Variants in SPRED1 observed in about 807,000 individuals in gnomAD.
SPRED1 encodes the protein sprouty-related, EVH1 domain-containing protein 1.
A neutral mutation model predicts 52.3 loss-of-function variants in SPRED1; 18 were observed. The ratio of observed to expected loss-of-function variants is 0.34; its 90% CI spans 0.24 to 0.51. The LOEUF (loss-of-function observed/expected upper bound fraction) is 0.51. Among genes scored for constraint, SPRED1 ranks in the 20% least tolerant of loss-of-function variants. SPRED1 has a pLI of 0.97. For synonymous variants in SPRED1, 155 were observed against 179.7 expected, an observed-to-expected ratio of 0.86 and a Z score of 1.10; for missense variants, 485 against 551.0, an observed-to-expected ratio of 0.88 and a Z score of 1.20.
intron 2 of SPRED1, among the ~76,000 whole-genome samples, chr15:38,307,120 C>T (rs1289955465): frequency 6.6e-6 from 1 of 152,190 alleles, no homozygotes; most frequent in African/African-American, 2.4e-5. Context: ...ATCGACCATA[C>T]TTATTAGCTT....
At chr15:38,283,753 A>G (rs1371917581) in intron 1 of SPRED1, among the ~76,000 whole-genome samples, 15 of 152,128 alleles carry the variant, frequency 9.9e-5, no homozygotes, top group African/African-American at 2.9e-4. Context: ...TACCCTCTTG[A>G]AGCTTTAGTT....
intron 2 of SPRED1, among the ~76,000 whole-genome samples, chr15:38,316,816 GAAAAGTTCA>G (rs893983588): frequency 4.2e-5 from 5 of 119,928 alleles, no homozygotes; most frequent in African/African-American, 1.6e-4. Context: ...TGTAGATGAT[GAAAAGTTCA>G]AAAAGTTCTA....
At chr15:38,331,368 C>G (rs998403830) in intron 4 of SPRED1, among the ~76,000 whole-genome samples, 2 of 151,870 alleles carry the variant, frequency 1.3e-5, no homozygotes, top group Non-Finnish European at 2.9e-5. Flanking sequence ...AGATTTTTGG[C>G]ATTTCTCACC....
rs889423928 is a variant in SPRED1 at position 38,356,117 on chromosome 15, A to C, written c.*4453A>C. On this transcript the variant is annotated 3_prime_UTR_variant, in exon 7 of 7. Transcript: ENST00000299084. ...AAGTCTTTGTATTAAAAATACACATAGATTTTTGTGAACATTTCCAGTGTG... is the reference window on the plus strand; with the variant it reads ...AAGTCTTTGTATTAAAAATACACATCGATTTTTGTGAACATTTCCAGTGTG... 2.0e-5 allele frequency: 3 copies of C among 152,144 alleles called. No individual in the cohort carries two copies. Among genetic ancestry groups the C allele is most frequent in the Admixed American group, 1.3e-4 (2 of 15,274 alleles). 9.4% of individuals were successfully genotyped at this position (152,144 alleles called of 1,614,324 possible).
intron 1 of SPRED1, among the ~76,000 whole-genome samples, chr15:38,297,017 G>A (rs1895054783): frequency 6.6e-6 from 1 of 152,086 alleles, no homozygotes; most frequent in Non-Finnish European, 1.5e-5. Context: ...AGCATTCAAG[G>A]TGCACCACCT....
intron 2 of SPRED1, among the ~76,000 whole-genome samples, chr15:38,312,136 A>G (rs551340200): frequency 6.6e-6 from 1 of 152,102 alleles, no homozygotes; most frequent in Non-Finnish European, 1.5e-5. Flanking sequence ...AATATCTCCA[A>G]CTGTCATGTT....
rs760132893 is a variant in SPRED1, at chr15:38,322,404, C to T, written c.371C>T (p.Ser124Phe). Residue 124 changes from serine to phenylalanine, a missense_variant, in exon 3 of 7, where the codon TCT (serine) becomes TTT (phenylalanine). This residue lies in a region of SPRED1 where 232 missense variants were observed against 231.8 expected (regional missense o/e 1.00). Transcript: ENST00000299084. ...ATCCGAAGAGCTATAGAGGATATTT[C>T]TCAAGGTAGGTATTCTTGACTATTT... ...RGIRRAIEDI[S>F]QGCPESKNEA... is the part of the protein sequence containing the mutation. 21 of 1,613,556 alleles carry T rather than the reference C, an allele frequency of 1.3e-5. No individual in the cohort carries two copies. The highest frequency in any genetic ancestry group is 1.2e-4 in the South Asian group (11 of 91,058).
At chr15:38,287,868 G>T (rs5014559) in intron 1 of SPRED1, among the ~76,000 whole-genome samples, 124,997 of 151,548 alleles carry the variant, frequency 0.82, 52,294 homozygotes, top group Non-Finnish European at 0.9. Context: ...AGGAACAACT[G>T]TAGCCTACTA....
rs2141018608 is a variant in SPRED1, at chr15:38,354,416, A to T, written c.*2752A>T. Reference sequence around the variant, plus strand: ...ATGACAAGCAAGACTGGTCTGATGAACTTGTTCAGAATTGATAATTCTTAA... The same window carrying T: ...ATGACAAGCAAGACTGGTCTGATGATCTTGTTCAGAATTGATAATTCTTAA... On this transcript the variant is annotated 3_prime_UTR_variant, in exon 7 of 7. Transcript: ENST00000299084. 6.6e-6 allele frequency: 1 copy of T among 152,338 alleles called. No homozygotes were observed. The highest frequency in any genetic ancestry group is 1.9e-4 in the East Asian group (1 of 5,192). 9.4% of individuals were successfully genotyped at this position (152,338 alleles called of 1,614,324 possible).
chr15:38,339,627 G>A (rs563635712), intron 4 of SPRED1, 110 bp from the exon 5 acceptor site: 12 of 1,087,830 alleles, frequency 1.1e-5, no homozygotes, highest in East Asian at 4.7e-5. Flanking sequence ...CGATGGTAGC[G>A]ATATATACTT....
chr15:38,274,203 G>A (rs1207772149), intron 1 of SPRED1, among the ~76,000 whole-genome samples: 2 of 152,170 alleles, frequency 1.3e-5, no homozygotes, highest in African/African-American at 4.8e-5. Context: ...CTTTAGAGTA[G>A]AAGTTTAAGC....
intron 2 of SPRED1, among the ~76,000 whole-genome samples, chr15:38,307,296 C>T (rs1277562281): frequency 2.6e-5 from 4 of 152,130 alleles, no homozygotes. Flanking sequence ...GCTGCCGTAA[C>T]AAAATAACGT....
chr15:38,322,584 G>A (rs781061623), intron 3 of SPRED1, among the ~76,000 whole-genome samples, 175 bp downstream of exon 3: 1 of 152,080 alleles, frequency 6.6e-6, no homozygotes. Context: ...ATTCCTTAAC[G>A]TGATTTGTAT....
At position 38,352,246 on chromosome 15, in the gene SPRED1, A is replaced by G. The variant is rs1200594670; in HGVS notation, c.*582A>G. On this transcript the variant is annotated 3_prime_UTR_variant, in exon 7 of 7. Transcript: ENST00000299084. ...CCCTTCCTAGTTCTGAAGTAGATAT[A>G]TATATATATATATCTACTGTCACAT... 1 of 152,582 alleles carries G rather than the reference A, an allele frequency of 6.6e-6. No individual in the cohort carries two copies. Among genetic ancestry groups the G allele is most frequent in the Non-Finnish European group, 1.5e-5 (1 of 68,306 alleles). 9.5% of individuals were successfully genotyped at this position (152,582 alleles called of 1,614,324 possible). A position where few individuals can be genotyped will look rare whatever the true frequency, so the allele number is the denominator to read the frequency against.
chr15:38,330,059 G>GATTT (rs1315317658), intron 4 of SPRED1, among the ~76,000 whole-genome samples: 1 of 152,180 alleles, frequency 6.6e-6, no homozygotes, highest in Non-Finnish European at 1.5e-5. Context: ...AAGGGTTGAA[G>GATTT]ATTTATGTGT....
intron 6 of SPRED1, among the ~76,000 whole-genome samples, chr15:38,350,663 C>T (rs1437505911): frequency 1.3e-5 from 2 of 152,148 alleles, no homozygotes; most frequent in African/African-American, 4.8e-5. Flanking sequence ...GTGGCTCATG[C>T]AATAGTAGAG....
rs1296705457 is a variant in SPRED1 at position 38,353,391 on chromosome 15, G to T, written c.*1727G>T. ...TATGACAGCTTGAACTGACAACATT[G>T]TGTATATAGATCATCTTGAAGTATT... On this transcript the variant is annotated 3_prime_UTR_variant, in exon 7 of 7. Coordinates refer to ENST00000299084, the MANE Select transcript of SPRED1 (RefSeq NM_152594.3). The T allele has an allele frequency of 1.3e-5, 2 of 152,310 alleles. No individual in the cohort carries two copies. The highest frequency in any genetic ancestry group is 2.9e-5 in the Non-Finnish European group (2 of 67,924). The allele number at this position is 152,310 out of a possible 1,614,324, so 9.4% of individuals were successfully genotyped here.
At position 38,299,384 on chromosome 15, in the gene SPRED1, C is replaced by T. The variant is rs1434189495; in HGVS notation, c.44C>T (p.Ala15Val). Residue 15 changes from alanine to valine, a missense_variant, in exon 2 of 7, where the codon GCA becomes GTA. Around this residue, in one of 5 missense-constraint regions of SPRED1, gnomAD observed 34 missense variants for 25.8 expected, o/e 1.32. Coordinates refer to ENST00000299084, the MANE Select transcript of SPRED1 (RefSeq NM_152594.3). ...TGCATCTATTTTAGTAATAGTTATG[C>T]ACGAGTGCGAGCTGTGGTGATGACC... is the stretch of plus-strand genomic sequence containing the variant. ...TATSDNDNSY[A>V]RVRAVVMTRD... The T allele has an allele frequency of 2.5e-6, 4 of 1,613,778 alleles. No homozygotes were observed. The highest frequency in any genetic ancestry group is 3.4e-6 in the Non-Finnish European group (4 of 1,179,840).
intron 1 of SPRED1, among the ~76,000 whole-genome samples, chr15:38,257,217 A>G (rs1394866172): frequency 6.7e-6 from 1 of 148,650 alleles, no homozygotes; most frequent in Non-Finnish European, 1.5e-5. Context: ...TTTTAAAATC[A>G]TATAATATTG....
Sources: gnomAD v4.1 joint callset for allele counts (sites outside exome capture counted in the v4.1 genomes callset) on GRCh38, gnomAD v4.1.1 for gene constraint, gnomAD v4.1.1 regional missense constraint, MANE v1.5 for transcripts, NCBI Gene and HGNC (gene_info 2026-07-23, HGNC 2026-07-21) for gene names.